RPA1: variants seen among roughly 807,000 people sequenced by gnomAD.
RPA1 encodes replication protein A 70 kDa DNA-binding subunit.
A neutral mutation model predicts 83.0 loss-of-function variants in RPA1; 49 were observed. The observed-to-expected ratio is 0.59, with a 90% CI of 0.47 to 0.75. The LOEUF (loss-of-function observed/expected upper bound fraction) is 0.75, where lower values mean the gene tolerates loss of function less well. RPA1 is among the 30% of genes least tolerant of loss of function. The pLI, the probability that RPA1 is intolerant of heterozygous loss-of-function variation, is 0.00. For synonymous variants in RPA1, 279 were observed against 281.8 expected (o/e 0.99, Z 0.10); for missense variants, 693 against 776.1 (o/e 0.89, Z 1.27).
At chr17:1,845,521 G>A (rs1019607603) in intron 4 of RPA1, among the ~76,000 whole-genome samples, 18 of 152,110 alleles carry the variant, frequency 1.2e-4, no homozygotes, top group African/African-American at 4.3e-4. Flanking sequence ...GGGCAGCACA[G>A]CAAGAGGCCA....
chr17:1,853,319 A>G, intron 5 of RPA1, 130 bp downstream of exon 5: 2 of 692,272 alleles, frequency 2.9e-6, no homozygotes, highest in Non-Finnish European at 5.0e-6. Flanking sequence ...TCTAGGAACC[A>G]GGCTATTCTG....
At chr17:1,869,819 T>C (rs374421719) in intron 5 of RPA1, among the ~76,000 whole-genome samples, 1 of 152,198 alleles carries the variant, frequency 6.6e-6, no homozygotes, top group Non-Finnish European at 1.5e-5. Context: ...AACATGTTGC[T>C]ATGTAGAATG....
chr17:1,878,216 C>CA (rs1369233199), intron 8 of RPA1, among the ~76,000 whole-genome samples: 1 of 152,142 alleles, frequency 6.6e-6, no homozygotes, highest in Non-Finnish European at 1.5e-5. Context: ...GCCTGGGCGA[C>CA]AGAGTGAGAC....
At chr17:1,855,368 T>G (rs971378481) in intron 5 of RPA1, among the ~76,000 whole-genome samples, 3 of 149,102 alleles carry the variant, frequency 2.0e-5, no homozygotes, top group Non-Finnish European at 4.5e-5. Flanking sequence ...TGTGTGTGTT[T>G]AGTAGAGACA....
At chr17:1,876,444 A>T (rs1172620404) in intron 7 of RPA1, among the ~76,000 whole-genome samples, 1 of 151,994 alleles carries the variant, frequency 6.6e-6, no homozygotes, top group African/African-American at 2.4e-5. Context: ...AATCCCCGCT[A>T]CTCAGGAGGC....
chr17:1,859,107 T>C (rs1442842720), intron 5 of RPA1, among the ~76,000 whole-genome samples: 1 of 152,066 alleles, frequency 6.6e-6, no homozygotes, highest in African/African-American at 2.4e-5. Flanking sequence ...TTTGCCGTGT[T>C]AGCCAGGCTG....
intron 14 of RPA1, among the ~76,000 whole-genome samples, chr17:1,890,362 T>G (rs1914158641): frequency 6.6e-6 from 1 of 151,206 alleles, no homozygotes; most frequent in African/African-American, 2.4e-5. Flanking sequence ...AGACCCTGTC[T>G]TTAAAAAATA....
chr17:1,883,372 A>G (rs1913871321), intron 12 of RPA1, among the ~76,000 whole-genome samples: 1 of 152,122 alleles, frequency 6.6e-6, no homozygotes, highest in Non-Finnish European at 1.5e-5. Flanking sequence ...CATGTTGGCC[A>G]GGATAGTCTT....
chr17:1,841,779 C>T (rs1722625675), intron 1 of RPA1, among the ~76,000 whole-genome samples: 1 of 152,116 alleles, frequency 6.6e-6, no homozygotes, highest in South Asian at 2.1e-4. Flanking sequence ...TTGTAGACGT[C>T]AGCTATCAGT....
At chr17:1,830,226 G>T in intron 1 of RPA1, 100 bp downstream of exon 1, 3 of 599,860 alleles carry the variant, frequency 5.0e-6, no homozygotes, top group South Asian at 7.7e-5. Flanking sequence ...GACGGGGGAT[G>T]AACGCGAGGG....
At chr17:1,851,451 A>G (rs1452464084) in intron 4 of RPA1, among the ~76,000 whole-genome samples, 1 of 152,152 alleles carries the variant, frequency 6.6e-6, no homozygotes, top group Non-Finnish European at 1.5e-5. Flanking sequence ...CACCTTGTGC[A>G]GTTTCCCCCA....
chr17:1,859,457 T>C (rs2151278220), intron 5 of RPA1, among the ~76,000 whole-genome samples: 1 of 152,372 alleles, frequency 6.6e-6, no homozygotes, highest in South Asian at 2.1e-4. Flanking sequence ...CTATTAGTTT[T>C]TGCTTCATGT....
rs1217086424 is a variant in RPA1, at chr17:1,841,360, G to T, written c.34-1443G>T. On this transcript the variant is annotated intron_variant, in intron 1 of 16. Transcript: ENST00000254719. ...ACTCTGTCGCCCAGGCTGGAGTGCA[G>T]TGGTGCGATCTCAGCTCCCTGCAAC... Among the ~76,000 whole-genome samples the T allele has an allele frequency of 2.0e-5, 3 of 152,276 alleles. No homozygotes were observed. The East Asian group carries it at 5.8e-4, about 29-fold the overall frequency.
chr17:1,894,887 A>G, intron 15 of RPA1, 122 bp from the exon 16 acceptor site: 1 of 695,524 alleles, frequency 1.4e-6, no homozygotes, highest in African/African-American at 1.8e-5. Context: ...TAGATGAGTC[A>G]TTCCTAAGTA....
chr17:1,842,976 A>G (rs1567802532), intron 2 of RPA1, 123 bp downstream of exon 2: 1 of 926,314 alleles, frequency 1.1e-6, no homozygotes, highest in African/African-American at 1.6e-5. Flanking sequence ...GTCACAAAAA[A>G]TAGGCCAGTC....
intron 8 of RPA1, among the ~76,000 whole-genome samples, chr17:1,878,131 T>C (rs1913636752): frequency 6.6e-6 from 1 of 152,072 alleles, no homozygotes. Flanking sequence ...CTTGGGAGGC[T>C]GAGGCAGGAG....
rs142462971 is a variant in RPA1, at chr17:1,848,265, A to G, written c.272+3579A>G. ...ATCTCAATAAACATGTTATTTAAAA[A>G]GAAGTGTTTGCCATTAAGCTTGTCA... On this transcript the variant is annotated intron_variant, in intron 4 of 16. Transcript: ENST00000254719. Among the ~76,000 whole-genome samples the G allele has an allele frequency of 8.6e-3, 1,313 of 152,262 alleles. 21 individuals are homozygous for G. Among genetic ancestry groups the G allele is most frequent in the African/African-American group, 0.03 (1,238 of 41,554 alleles).
rs770771157 is a variant in RPA1 at position 1,879,262 on chromosome 17, C to G, written c.807C>G (p.Phe269Leu). The change falls in exon 10 of 17, where the codon TTC (phenylalanine) becomes TTG (leucine). Residue 269 changes from phenylalanine to leucine, a missense_variant. Coordinates refer to ENST00000254719, the MANE Select transcript of RPA1 (RefSeq NM_002945.5). ...CCCTGAAGATTGCTAACAAGCAGTT[C>G]ACAGCTGTTAAAAATGACTACGAGA... is the stretch of plus-strand genomic sequence containing the variant. ...KGTLKIANKQ[F>L]TAVKNDYEMT... 6.2e-7 allele frequency: 1 copy of G among 1,614,130 alleles called. No homozygotes were observed. The highest frequency in any genetic ancestry group is 8.5e-7 in the Non-Finnish European group (1 of 1,180,018).
chr17:1,855,492 T>C (rs1000542452), intron 5 of RPA1, among the ~76,000 whole-genome samples: 1 of 152,226 alleles, frequency 6.6e-6, no homozygotes, highest in African/African-American at 2.4e-5. Flanking sequence ...TGATTGGTTT[T>C]TGAGCGCTAA....
Sources: allele counts gnomAD v4.1 joint callset (sites outside exome capture counted in the v4.1 genomes callset), GRCh38; gene constraint gnomAD v4.1.1; transcripts MANE v1.5; gene names NCBI Gene and HGNC (gene_info 2026-07-23, HGNC 2026-07-21).